The following ROCK1 variants were observed in gnomAD, a reference collection of about 807,000 sequenced individuals.
ROCK1 encodes rho-associated protein kinase 1.
In ROCK1, 36 loss-of-function variants were observed where a neutral mutation model predicts 196.8. The ratio of observed to expected loss-of-function variants is 0.18; its 90% CI spans 0.14 to 0.24. ROCK1 has a LOEUF of 0.24. ROCK1 is among the 10% of genes least tolerant of loss of function. The pLI, the probability that ROCK1 is intolerant of heterozygous loss-of-function variation, is 1.00. For missense variants in ROCK1, 920 were observed against 1,562.0 expected (o/e 0.59, Z 6.93); for synonymous variants, 443 against 515.9 (o/e 0.86, Z 1.91).
chr18:21,069,154 A>G (rs2036362593), intron 2 of ROCK1, among the ~76,000 whole-genome samples: 1 of 152,096 alleles, frequency 6.6e-6, no homozygotes, highest in Admixed American at 6.5e-5. Flanking sequence ...TTGCAGACAG[A>G]TATTTTAAAA....
At chr18:21,065,397 A>G (rs775156396) in intron 2 of ROCK1, among the ~76,000 whole-genome samples, 1 of 151,966 alleles carries the variant, frequency 6.6e-6, no homozygotes, top group Non-Finnish European at 1.5e-5. Flanking sequence ...GCTCTCTTGC[A>G]TTTATACCCG....
intron 1 of ROCK1, among the ~76,000 whole-genome samples, chr18:21,078,721 T>C (rs187777541): frequency 5.3e-4 from 80 of 152,298 alleles, no homozygotes; most frequent in African/African-American, 1.6e-3. Flanking sequence ...ACTGACCACA[T>C]TGATAACAGC....
rs536493266 is a variant in ROCK1, at chr18:20,956,999, CA to C, written c.3513-1755del. Among the ~76,000 whole-genome samples the C allele has an allele frequency of 1.4e-4, 21 of 152,142 alleles. 1 individual carries two copies. In the East Asian group the frequency reaches 3.9e-3, roughly 28 times the overall value. On this transcript the variant is annotated intron_variant, in intron 29 of 32. Transcript: ENST00000399799. ...TAACATCCACTAGAAAAGCTAAAAT[CA>C]AAGGTTGATATCACCAAATGTTGGT...
intron 20 of ROCK1, among the ~76,000 whole-genome samples, chr18:20,983,325 G>A (rs2035550072): frequency 6.7e-6 from 1 of 149,454 alleles, no homozygotes; most frequent in South Asian, 2.2e-4. Context: ...AAAGGGGCTG[G>A]TGGAAATGAA....
intron 13 of ROCK1, among the ~76,000 whole-genome samples, chr18:21,008,511 G>A (rs944741880): frequency 8.5e-5 from 13 of 152,176 alleles, no homozygotes; most frequent in Admixed American, 8.5e-4. Flanking sequence ...GACCTCAGGT[G>A]ATCCGCCTGC....
At chr18:20,995,163 G>A (rs2035660058) in intron 16 of ROCK1, among the ~76,000 whole-genome samples, 1 of 152,180 alleles carries the variant, frequency 6.6e-6, no homozygotes, top group Non-Finnish European at 1.5e-5. Flanking sequence ...ATAGCTAGAA[G>A]AGATGATTTT....
intron 1 of ROCK1, among the ~76,000 whole-genome samples, chr18:21,098,179 A>G (rs147530640): frequency 2.6e-5 from 4 of 152,326 alleles, no homozygotes; most frequent in African/African-American, 9.6e-5. Flanking sequence ...TAAAAGCTGA[A>G]GAGATATTAG....
chr18:20,982,257 A>G (rs112210632), intron 21 of ROCK1, among the ~76,000 whole-genome samples: 76 of 152,128 alleles, frequency 5.0e-4, no homozygotes, highest in African/African-American at 1.8e-3. Flanking sequence ...AATATTTAAA[A>G]GTCTTTCATT....
intron 11 of ROCK1, among the ~76,000 whole-genome samples, chr18:21,023,079 G>T (rs1409424701): frequency 1.3e-5 from 2 of 152,076 alleles, no homozygotes; most frequent in African/African-American, 4.8e-5. Flanking sequence ...TGGTTACCAG[G>T]AGCTGGGGGG....
chr18:20,971,351 C>CACACAG (rs1290878797), intron 22 of ROCK1, among the ~76,000 whole-genome samples: 1 of 132,364 alleles, frequency 7.6e-6, no homozygotes, highest in Admixed American at 8.4e-5. Context: ...CACATACACA[C>CACACAG]AGAAAATTCA....
At chr18:21,000,050 T>C (rs1041384153) in intron 16 of ROCK1, among the ~76,000 whole-genome samples, 6 of 152,168 alleles carry the variant, frequency 3.9e-5, no homozygotes, top group Non-Finnish European at 8.8e-5. Flanking sequence ...CAAATTCACA[T>C]AGAATTGCAA....
chr18:21,084,650 C>A lies in ROCK1; in HGVS notation c.94-14037G>T, dbSNP rs578224673. On this transcript the variant is annotated intron_variant, in intron 1 of 32. Transcript: ENST00000399799. ...GGAATGAAACGTAATGAAACTGGAA[C>A]CCTTGGCAATGCTGGTGGGAATGTA... Among the ~76,000 whole-genome samples, 15 of 152,218 alleles carry A rather than the reference C, an allele frequency of 9.9e-5. No homozygotes were observed. In the East Asian group the frequency reaches 1.7e-3, roughly 18 times the overall value.
Position 21,078,920 on chromosome 18 carries a change from T to C in ROCK1, c.94-8307A>G, listed in dbSNP as rs186567140. 4.2e-3 allele frequency among the ~76,000 whole-genome samples: 638 copies of C among 152,308 alleles called. 4 individuals carry two copies. The highest frequency in any genetic ancestry group is 5.8e-3 in the Non-Finnish European group (392 of 68,030). On this transcript the variant is annotated intron_variant, in intron 1 of 32. Coordinates refer to ENST00000399799, the MANE Select transcript of ROCK1 (RefSeq NM_005406.3). The stretch of plus-strand genomic sequence containing the variant: ...TGGTTCTACTGCTTGCTTCTGTAGC[T>C]TTCTTCTAATATTGGGAGCTGCCTG...
chr18:20,999,913 A>C (rs2035708139), intron 16 of ROCK1, among the ~76,000 whole-genome samples: 1 of 152,214 alleles, frequency 6.6e-6, no homozygotes, highest in African/African-American at 2.4e-5. Flanking sequence ...GGCTTGAGCC[A>C]CTGGCGCCTG....
At position 21,042,086 on chromosome 18, in the gene ROCK1, A is replaced by G. The variant is rs1204613461; in HGVS notation, c.959+11T>C. Reference sequence around the variant, plus strand: ...CAGAATTAATACAGGCTCAGTTTTAAAATTATTTACCTGTCAGTAAGGAAG... The same window carrying G: ...CAGAATTAATACAGGCTCAGTTTTAGAATTATTTACCTGTCAGTAAGGAAG... On this transcript the variant is annotated intron_variant, in intron 8 of 32. Transcript: ENST00000399799. 6.3e-7 allele frequency: 1 copy of G among 1,597,532 alleles called. No homozygotes were observed. Among genetic ancestry groups the G allele is most frequent in the Non-Finnish European group, 8.5e-7 (1 of 1,175,426 alleles).
intron 1 of ROCK1, among the ~76,000 whole-genome samples, chr18:21,071,165 T>C (rs1488228429): frequency 6.8e-6 from 1 of 146,584 alleles, no homozygotes; most frequent in African/African-American, 2.5e-5. Flanking sequence ...ACACCTGAGC[T>C]TTTGCATTTT....
At chr18:21,006,971 A>G (rs1276462528) in intron 14 of ROCK1, among the ~76,000 whole-genome samples, 181 bp from the exon 15 acceptor site, 2 of 152,178 alleles carry the variant, frequency 1.3e-5, no homozygotes, top group Non-Finnish European at 2.9e-5. Context: ...AAAGTAGAAC[A>G]TTATCTTCTA....
chr18:20,994,600 G>A (rs191442359), intron 16 of ROCK1, among the ~76,000 whole-genome samples: 283 of 152,250 alleles, frequency 1.9e-3, no homozygotes, highest in Admixed American at 4.7e-3. Flanking sequence ...TAAAAAATCT[G>A]TACAAAGATA....
intron 11 of ROCK1, among the ~76,000 whole-genome samples, chr18:21,021,418 G>A (rs1306971093): frequency 1.2e-4 from 18 of 152,022 alleles, no homozygotes; most frequent in Admixed American, 1.2e-3. Context: ...CTGAAAAGAG[G>A]ATTGAAAAAT....
Sources: gnomAD v4.1 joint callset for allele counts (sites outside exome capture counted in the v4.1 genomes callset) on GRCh38, gnomAD v4.1.1 for gene constraint, MANE v1.5 for transcripts, NCBI Gene and HGNC (gene_info 2026-07-23, HGNC 2026-07-21) for gene names.